The following ELF4 variants were observed in gnomAD, a reference collection of about 807,000 sequenced individuals.
ELF4 encodes ETS-related transcription factor Elf-4.
A neutral mutation model predicts 31.7 loss-of-function variants in ELF4; 10 were observed. The ratio of observed to expected loss-of-function variants is 0.32; its 90% CI spans 0.19 to 0.54. ELF4 has a LOEUF of 0.54. Among genes scored for constraint, ELF4 ranks in the 20% least tolerant of loss-of-function variants. The pLI is 0.95. For synonymous variants in ELF4, 208 were observed against 226.7 expected, an observed-to-expected ratio of 0.92 and a Z score of 0.74; for missense variants, 418 against 522.0, an observed-to-expected ratio of 0.80 and a Z score of 1.94.
At chrX:130,099,620 G>A (rs1421646255) in intron 1 of ELF4, among the ~76,000 whole-genome samples, 1 of 111,025 alleles carries the variant, frequency 9.0e-6, no homozygotes, top group African/African-American at 3.3e-5. Context: ...ATTGTGTTAA[G>A]TGTCATCTCT....
upstream of ELF4, among the ~76,000 whole-genome samples, chrX:130,111,280 G>A (rs1933485714): frequency 8.9e-6 from 1 of 112,044 alleles, no homozygotes; most frequent in African/African-American, 3.2e-5. Flanking sequence ...CGCCCTTCCC[G>A]GTGCGAAGCC....
At position 130,106,159 on chromosome X, in the gene ELF4, C is replaced by G. The variant is rs949516066; in HGVS notation, c.-210+4166G>C. Among the ~76,000 whole-genome samples the G allele has an allele frequency of 4.6e-5, 5 of 108,904 alleles. No homozygotes were observed. In the East Asian group the frequency reaches 8.7e-4, roughly 19 times the overall value. 94.6% of individuals were successfully genotyped at this position (108,904 alleles called of 115,157 possible). A position where few individuals can be genotyped will look rare whatever the true frequency, so the allele number is the denominator to read the frequency against. ...CTCCCCCTTGCTTCCCCCTCTCCCCCCTTCAAGGTCTAGCCTAGGCCCGCA... is the reference window on the plus strand; with the variant it reads ...CTCCCCCTTGCTTCCCCCTCTCCCCGCTTCAAGGTCTAGCCTAGGCCCGCA... On this transcript the variant is annotated intron_variant, in intron 1 of 8. Transcript: ENST00000308167.
intron 1 of ELF4, among the ~76,000 whole-genome samples, chrX:130,099,514 C>T (rs1460595462): frequency 1.8e-5 from 2 of 110,884 alleles, no homozygotes; most frequent in Non-Finnish European, 3.8e-5. Flanking sequence ...GTGGAGGTTG[C>T]AGTGAGCCGA....
intron 7 of ELF4, among the ~76,000 whole-genome samples, chrX:130,070,036 C>T (rs1385668581): frequency 8.9e-6 from 1 of 112,032 alleles, no homozygotes; most frequent in Admixed American, 9.4e-5. Flanking sequence ...CCTGAGAGAC[C>T]ACCTCTAGGA....
intron 1 of ELF4, among the ~76,000 whole-genome samples, chrX:130,083,452 A>T (rs1932916041): frequency 9.4e-6 from 1 of 106,278 alleles, no homozygotes; most frequent in African/African-American, 3.5e-5. Context: ...AAACATTCTC[A>T]TACTAATCAA....
rs1204218096 is a variant in ELF4, at chrX:130,072,456, AG to A, written c.341-40del. 2.5e-6 allele frequency: 3 copies of A among 1,197,130 alleles called. No homozygotes were observed. The African/African-American group carries it at 5.3e-5, about 21-fold the overall frequency. ...GACCTGAGGTGGGCGGGGCCCAGGCAGGGCTGGAGCGGGGTCTCCCAGCGCT... is the reference window on the plus strand; with the variant it reads ...GACCTGAGGTGGGCGGGGCCCAGGCAGGCTGGAGCGGGGTCTCCCAGCGCT... On this transcript the variant is annotated intron_variant, in intron 4 of 8. Transcript: ENST00000308167.
chrX:130,080,731 A>G (rs897625900), intron 2 of ELF4, among the ~76,000 whole-genome samples: 2 of 111,543 alleles, frequency 1.8e-5, no homozygotes, highest in African/African-American at 6.5e-5. Context: ...TCCTCCCACC[A>G]AAAGACCTCA....
At chrX:130,070,508 G>A (rs1932774229) in intron 7 of ELF4, among the ~76,000 whole-genome samples, 1 of 109,556 alleles carries the variant, frequency 9.1e-6, no homozygotes, top group African/African-American at 3.3e-5. Flanking sequence ...CCGGGAGGTA[G>A]AGCTTGCAGT....
At position 130,106,922 on chromosome X, in the gene ELF4, T is replaced by A. The variant is rs993488254; in HGVS notation, c.-210+3403A>T. Among the ~76,000 whole-genome samples, 2 of 111,077 alleles carry A rather than the reference T, an allele frequency of 1.8e-5. 1 individual carries two copies. The highest frequency in any genetic ancestry group is 3.8e-5 in the Non-Finnish European group (2 of 52,975). On this transcript the variant is annotated intron_variant, in intron 1 of 8. Coordinates refer to ENST00000308167, the MANE Select transcript of ELF4 (RefSeq NM_001421.4). ...TGGGGGGTGTCCCTAAGAAATGCCA[T>A]CCTGCCCTGGAACCCAACAAATGAC...
At chrX:130,103,457 CAT>C (rs775002605) in intron 1 of ELF4, among the ~76,000 whole-genome samples, 2 of 112,383 alleles carry the variant, frequency 1.8e-5, no homozygotes, top group South Asian at 7.3e-4. Flanking sequence ...TCAATACAAA[CAT>C]CATCAGGAAA....
At chrX:130,086,551 G>A (rs1458382685) in intron 1 of ELF4, among the ~76,000 whole-genome samples, 1 of 112,002 alleles carries the variant, frequency 8.9e-6, no homozygotes, top group Non-Finnish European at 1.9e-5. Flanking sequence ...CGGGGAGGAG[G>A]AGGGAGGCGT....
chrX:130,073,982 T>C (rs1459946593), intron 4 of ELF4, 67 bp downstream of exon 4: 1 of 1,120,112 alleles, frequency 8.9e-7, no homozygotes, highest in Non-Finnish European at 1.2e-6. Flanking sequence ...AACCAATACA[T>C]GGATTTCATA....
At position 130,110,354 on chromosome X, in the gene ELF4, C is replaced by T. The variant is rs1933459032; in HGVS notation, c.-239G>A. On this transcript the variant is annotated 5_prime_UTR_variant, in exon 1 of 9. Coordinates refer to ENST00000308167, the MANE Select transcript of ELF4 (RefSeq NM_001421.4). ...GGCCGAGTGGCTCACGGGCCCAGCT[C>T]GGTCGCCGGGCCGGGGTCTGTCTCC... The T allele has an allele frequency of 9.0e-6, 1 of 110,667 alleles. No individual in the cohort carries two copies. The highest frequency in any genetic ancestry group is 3.8e-4 in the South Asian group (1 of 2,631). 9.1% of individuals were successfully genotyped at this position (110,667 alleles called of 1,213,427 possible).
rs549714065 is a variant in ELF4, at chrX:130,099,146, C to T, written c.-210+11179G>A. On this transcript the variant is annotated intron_variant, in intron 1 of 8. Transcript: ENST00000308167. ...ATTTTGCCATTAATGGGCTATGTAACCACAGGCACGCCACGTCACAGGGCT... is the reference window on the plus strand; with the variant it reads ...ATTTTGCCATTAATGGGCTATGTAATCACAGGCACGCCACGTCACAGGGCT... Among the ~76,000 whole-genome samples, 14 of 112,423 alleles carry T rather than the reference C, an allele frequency of 1.2e-4. No individual in the cohort carries two copies. The South Asian group carries it at 2.9e-3, about 23-fold the overall frequency.
chrX:130,072,424 G>A lies in ELF4; in HGVS notation c.341-7C>T. The A allele has an allele frequency of 8.3e-7, 1 of 1,211,991 alleles. No homozygotes were observed. Among genetic ancestry groups the A allele is most frequent in the Non-Finnish European group, 1.1e-6 (1 of 895,412 alleles). ...AGCATTTCGGAGGTACTGACTGCAA[G>A]AAGAAAGACCTGAGGTGGGCGGGGC... On this transcript the variant is annotated splice_region_variant and splice_polypyrimidine_tract_variant and intron_variant, in intron 4 of 8. Transcript: ENST00000308167.
intron 1 of ELF4, among the ~76,000 whole-genome samples, chrX:130,106,561 G>T (rs1041084312): frequency 9.0e-6 from 1 of 111,393 alleles, no homozygotes; most frequent in African/African-American, 3.3e-5. Context: ...GAGGCTCAGC[G>T]GCCAGAGATT....
rs760155700 is a variant in ELF4 at position 130,110,313 on chromosome X, C to T, written c.-210+12G>A. On this transcript the variant is annotated intron_variant, in intron 1 of 8. Transcript: ENST00000308167. ...TCCCCCAAGGCTCGAAGAACCGGCGCCATCGACGTACCTGAGGCCGAGTGG... is the reference window on the plus strand; with the variant it reads ...TCCCCCAAGGCTCGAAGAACCGGCGTCATCGACGTACCTGAGGCCGAGTGG... 9.1e-6 allele frequency: 1 copy of T among 110,121 alleles called. No individual in the cohort carries two copies. Among genetic ancestry groups the T allele is most frequent in the Non-Finnish European group, 1.9e-5 (1 of 52,172 alleles). 9.1% of individuals were successfully genotyped at this position (110,121 alleles called of 1,213,427 possible).
At position 130,081,462 on chromosome X, in the gene ELF4, GTGGAGAGAGC is replaced by G. The variant is rs1434890501; in HGVS notation, c.-142_-133del. Reference sequence around the variant, plus strand: ...CCCCTGAGCTGCAGTAAAATAGGGGGTGGAGAGAGCTGGAGTAGGTGGTGGCCTAAGCCAG... The same window carrying G: ...CCCCTGAGCTGCAGTAAAATAGGGGGTGGAGTAGGTGGTGGCCTAAGCCAG... On this transcript the variant is annotated 5_prime_UTR_variant, in exon 2 of 9. Transcript: ENST00000308167. 33 of 703,761 alleles carry G rather than the reference GTGGAGAGAGC, an allele frequency of 4.7e-5. No homozygotes were observed. The highest frequency in any genetic ancestry group is 6.6e-5 in the Non-Finnish European group (30 of 453,453). 58.0% of individuals were successfully genotyped at this position (703,761 alleles called of 1,213,427 possible).
At chrX:130,103,949 C>G (rs755058460) in intron 1 of ELF4, among the ~76,000 whole-genome samples, 4 of 112,255 alleles carry the variant, frequency 3.6e-5, no homozygotes, top group Non-Finnish European at 7.5e-5. Context: ...TGGGCAAAGG[C>G]AGTGCCCCAG....
Sources: gnomAD v4.1 joint callset for allele counts (sites outside exome capture counted in the v4.1 genomes callset) on GRCh38, gnomAD v4.1.1 for gene constraint, MANE v1.5 for transcripts, NCBI Gene and HGNC (gene_info 2026-07-23, HGNC 2026-07-21) for gene names.